Variants in RASGRF1 observed in about 807,000 individuals in gnomAD.
The protein encoded by RASGRF1 is Ras protein specific guanine nucleotide releasing factor 1, also known as ras-specific guanine nucleotide-releasing factor 1.
Under a neutral mutation model 138.7 loss-of-function variants are expected in RASGRF1, and 40 were observed. The observed-to-expected ratio is 0.29, with a 90% confidence interval of 0.22 to 0.38. The LOEUF (loss-of-function observed/expected upper bound fraction) is 0.38. RASGRF1 is among the 10% of genes least tolerant of loss of function. The pLI is 1.00. For synonymous variants in RASGRF1, 614 were observed against 663.2 expected, an observed-to-expected ratio of 0.93 and a Z score of 1.14; for missense variants, 1,108 against 1,650.4, an observed-to-expected ratio of 0.67 and a Z score of 5.69.
At chr15:79,074,731 C>T (rs990951117) in intron 1 of RASGRF1, among the ~76,000 whole-genome samples, 2 of 152,138 alleles carry the variant, frequency 1.3e-5, no homozygotes, top group Non-Finnish European at 1.5e-5. Flanking sequence ...CCCAGAAATG[C>T]AACAGAGGAA....
At chr15:79,040,711 T>TAA (rs370475194) in intron 5 of RASGRF1, among the ~76,000 whole-genome samples, 1 of 151,670 alleles carries the variant, frequency 6.6e-6, no homozygotes, top group Non-Finnish European at 1.5e-5. Context: ...CAAGTTTTGG[T>TAA]AAAAAAAAAT....
At chr15:78,982,068 C>T (rs1009134497) in intron 23 of RASGRF1, among the ~76,000 whole-genome samples, 1 of 152,200 alleles carries the variant, frequency 6.6e-6, no homozygotes, top group Non-Finnish European at 1.5e-5. Context: ...TCACCTATCC[C>T]TGGCATGCCG....
chr15:79,060,568 G>C (rs2057590515), intron 2 of RASGRF1, among the ~76,000 whole-genome samples: 1 of 152,196 alleles, frequency 6.6e-6, no homozygotes, highest in Admixed American at 6.5e-5. Context: ...AGGCACCCAT[G>C]TCCTGTGTGA....
chr15:79,038,954 T>C (rs1018167721), intron 5 of RASGRF1, among the ~76,000 whole-genome samples: 3 of 152,346 alleles, frequency 2.0e-5, no homozygotes, highest in African/African-American at 7.2e-5. Context: ...TTGTCAATTC[T>C]GGCTAACCAA....
intron 13 of RASGRF1, among the ~76,000 whole-genome samples, chr15:79,008,076 C>G (rs1485273165): frequency 6.6e-6 from 1 of 151,176 alleles, no homozygotes; most frequent in Non-Finnish European, 1.5e-5. Flanking sequence ...CTCTTGACCT[C>G]TTGATCCACC....
chr15:79,006,478 C>A lies in RASGRF1; in HGVS notation c.1827-44G>T. On this transcript the variant is annotated intron_variant, in intron 13 of 26. Transcript: ENST00000558480. The surrounding 1 kb of genome is among the most constrained non-coding windows in gnomAD (Gnocchi z 4.0). ...TGCAGAGGTGATGTGGGTCTAAAGGCATCTGAATGGCACCCACCAGGCCTG... is the reference window on the plus strand; with the variant it reads ...TGCAGAGGTGATGTGGGTCTAAAGGAATCTGAATGGCACCCACCAGGCCTG... 1 of 1,581,552 alleles carries A rather than the reference C, an allele frequency of 6.3e-7. No individual in the cohort carries two copies. Among genetic ancestry groups the A allele is most frequent in the African/African-American group, 1.3e-5 (1 of 74,736 alleles).
At chr15:79,082,577 G>T (rs1269752873) in intron 1 of RASGRF1, among the ~76,000 whole-genome samples, 1 of 152,208 alleles carries the variant, frequency 6.6e-6, no homozygotes, top group African/African-American at 2.4e-5. Context: ...CACCAGTTAG[G>T]AGGCCACTGC....
intron 2 of RASGRF1, among the ~76,000 whole-genome samples, chr15:79,061,323 C>T (rs1167008939): frequency 6.6e-6 from 1 of 150,630 alleles, no homozygotes; most frequent in Admixed American, 6.6e-5. Flanking sequence ...ACCCAAAGAA[C>T]AGGGAGGTAA....
intron 20 of RASGRF1, among the ~76,000 whole-genome samples, chr15:78,993,376 TGTGTGTGTGG>T (rs1412159147): frequency 6.8e-6 from 1 of 147,886 alleles, no homozygotes; most frequent in African/African-American, 2.5e-5. Flanking sequence ...GTGTGTAGTG[TGTGTGTGTGG>T]GTGTGTGTGT....
At chr15:79,079,787 C>T (rs1478949252) in intron 1 of RASGRF1, among the ~76,000 whole-genome samples, 6 of 152,134 alleles carry the variant, frequency 3.9e-5, no homozygotes, top group African/African-American at 1.4e-4. Flanking sequence ...CATGCATTAC[C>T]AATCCTAAAA....
chr15:79,019,344 A>G (rs1026668403), intron 11 of RASGRF1, among the ~76,000 whole-genome samples: 1 of 152,098 alleles, frequency 6.6e-6, no homozygotes, highest in Admixed American at 6.5e-5. Context: ...CCACCCCCTA[A>G]TCTGAATAAT....
At chr15:79,017,726 C>T (rs751020369) in intron 12 of RASGRF1, 44 bp downstream of exon 12, 1 of 1,575,144 alleles carries the variant, frequency 6.3e-7, no homozygotes, top group South Asian at 1.2e-5. Flanking sequence ...CCTGGTTAGG[C>T]ATGAAGGGAC....
chr15:78,962,354 T>C (rs1341043958), intron 26 of RASGRF1, 118 bp from the exon 27 acceptor site: 33 of 699,496 alleles, frequency 4.7e-5, no homozygotes, highest in Non-Finnish European at 6.0e-5. Context: ...CAGGTGGGCA[T>C]ATGAGGCAAA....
At chr15:79,008,044 T>C (rs2056719864) in intron 13 of RASGRF1, among the ~76,000 whole-genome samples, 1 of 152,064 alleles carries the variant, frequency 6.6e-6, no homozygotes, top group African/African-American at 2.4e-5. Flanking sequence ...GGTTTCACCA[T>C]GTTGGCCAGG....
chr15:79,076,740 G>T (rs749106673), intron 1 of RASGRF1, among the ~76,000 whole-genome samples: 1 of 152,180 alleles, frequency 6.6e-6, no homozygotes, highest in South Asian at 2.1e-4. Flanking sequence ...ATTAACTACC[G>T]CTGTGTTTCT....
chr15:78,984,896 C>T, intron 23 of RASGRF1, 111 bp downstream of exon 23: 1 of 1,207,158 alleles, frequency 8.3e-7, no homozygotes, highest in Non-Finnish European at 1.2e-6. Context: ...TGTTAGACCT[C>T]AGCCCAGTAC....
At chr15:79,078,153 GCATGCATGTGCGTA>G (rs2057864823) in intron 1 of RASGRF1, among the ~76,000 whole-genome samples, 1 of 140,568 alleles carries the variant, frequency 7.1e-6, no homozygotes. Flanking sequence ...GTGTGTGTGT[GCATGCATGTGCGTA>G]TGTGTGCACT....
At chr15:79,065,959 G>C (rs1336597938) in intron 1 of RASGRF1, among the ~76,000 whole-genome samples, 4 of 151,844 alleles carry the variant, frequency 2.6e-5, no homozygotes, top group African/African-American at 7.3e-5. Context: ...AGAGGAGAGA[G>C]AGAGTGAGTT....
chr15:79,071,011 T>C (rs1161355812), intron 1 of RASGRF1, among the ~76,000 whole-genome samples: 1 of 152,224 alleles, frequency 6.6e-6, no homozygotes, highest in African/African-American at 2.4e-5. Context: ...AGACCTCTTA[T>C]CCTCTGCTGG....
Sources: allele counts gnomAD v4.1 joint callset (sites outside exome capture counted in the v4.1 genomes callset), GRCh38; gene constraint gnomAD v4.1.1; non-coding constraint Gnocchi (gnomAD v3.1); transcripts MANE v1.5; gene names NCBI Gene and HGNC (gene_info 2026-07-23, HGNC 2026-07-21).